PRELID2: variants seen among roughly 807,000 people sequenced by gnomAD.
PRELID2 encodes PRELI domain-containing protein 2.
A neutral mutation model predicts 28.4 loss-of-function variants in PRELID2; 25 were observed. The observed-to-expected ratio is 0.88, with a 90% CI of 0.64 to 1.23. The LOEUF is 1.23. Ranked by LOEUF, PRELID2 falls within the 50% of genes most tolerant of loss-of-function variation. The pLI, the probability that PRELID2 is intolerant of heterozygous loss-of-function variation, is 0.00. For missense variants in PRELID2, 201 were observed against 214.4 expected (o/e 0.94, Z 0.39); for synonymous variants, 76 against 71.6 (o/e 1.06, Z -0.31).
intron 1 of PRELID2, among the ~76,000 whole-genome samples, chr5:145,615,304 T>A (rs1753678786): frequency 6.6e-6 from 1 of 150,566 alleles, no homozygotes; most frequent in Non-Finnish European, 1.5e-5. Context: ...AGTCCTTATG[T>A]GTTATGTGAG....
At chr5:145,441,037 C>T in the PRELID2 span, 15 of 152,210 alleles carry the variant, frequency 9.9e-5, no homozygotes, top group African/African-American at 3.6e-4. Flanking sequence ...TATTGGATGT[C>T]ATCAGCATAT....
the PRELID2 span, among the ~76,000 whole-genome samples, chr5:145,242,662 C>A: frequency 6.6e-4 from 101 of 152,022 alleles, no homozygotes; most frequent in African/African-American, 2.4e-3. Context: ...AAAAGGTAAC[C>A]AATAGGATGC....
At chr5:145,252,716 G>A in the PRELID2 span, among the ~76,000 whole-genome samples, 1 of 151,922 alleles carries the variant, frequency 6.6e-6, no homozygotes, top group South Asian at 2.1e-4. Context: ...AGAGGAATTG[G>A]GAGTTATTGT....
At chr5:145,785,130 T>C (rs1361945858) in intron 5 of PRELID2, among the ~76,000 whole-genome samples, 1 of 152,240 alleles carries the variant, frequency 6.6e-6, no homozygotes, top group Non-Finnish European at 1.5e-5. Flanking sequence ...TTTTACTATG[T>C]GCCAGGCATA....
the PRELID2 span, among the ~76,000 whole-genome samples, chr5:145,313,558 A>G: frequency 1.3e-5 from 2 of 152,094 alleles, no homozygotes; most frequent in African/African-American, 4.8e-5. Flanking sequence ...TTTATAGCCC[A>G]ATGAAAATGG....
intron 1 of PRELID2, among the ~76,000 whole-genome samples, chr5:145,633,450 T>TC (rs1341217682): frequency 3.3e-5 from 5 of 152,188 alleles, no homozygotes; most frequent in African/African-American, 7.2e-5. Context: ...GTTCACATTT[T>TC]CCTGGCCCTC....
the PRELID2 span, among the ~76,000 whole-genome samples, chr5:145,249,918 C>CCTCTCT: frequency 7.2e-6 from 1 of 139,770 alleles, no homozygotes; most frequent in Non-Finnish European, 1.6e-5. Flanking sequence ...CATGCCTCTC[C>CCTCTCT]CTCTCTCTCT....
the PRELID2 span, among the ~76,000 whole-genome samples, chr5:145,391,659 T>G: frequency 6.6e-6 from 1 of 152,268 alleles, no homozygotes; most frequent in East Asian, 1.9e-4. Flanking sequence ...GTAGAGGGCT[T>G]ACATTTCTCC....
intron 5 of PRELID2, among the ~76,000 whole-genome samples, chr5:145,777,661 G>A (rs888554135): frequency 6.6e-6 from 1 of 152,156 alleles, no homozygotes; most frequent in South Asian, 2.1e-4. Context: ...GGGCAGGTGG[G>A]AGCCCCGCCT....
chr5:145,277,364 C>T, the PRELID2 span, among the ~76,000 whole-genome samples: 1 of 152,068 alleles, frequency 6.6e-6, no homozygotes, highest in Non-Finnish European at 1.5e-5. Context: ...ATAGAATATG[C>T]ACCTCATATT....
At chr5:145,264,969 T>TAAA in the PRELID2 span, among the ~76,000 whole-genome samples, 9 of 56,870 alleles carry the variant, frequency 1.6e-4, no homozygotes, top group East Asian at 1.9e-3. Flanking sequence ...AGTGCAACTC[T>TAAA]AAAAAAAAAA....
the PRELID2 span, among the ~76,000 whole-genome samples, chr5:145,322,894 T>C: frequency 1.3e-5 from 2 of 152,062 alleles, no homozygotes; most frequent in South Asian, 4.1e-4. Flanking sequence ...GGTAGCAGAA[T>C]TGTTTGAACC....
chr5:145,817,197 AAAT>A lies in PRELID2; in HGVS notation c.368+694_368+696del, dbSNP rs200655493. On this transcript the variant is annotated intron_variant, in intron 4 of 6. Transcript: ENST00000683046. Reference sequence around the variant, plus strand: ...CAGAGCAAGACTGCATTTCAAAAAAAAATAAATAAATAAATAAAAAAAAATATA... The same window carrying A: ...CAGAGCAAGACTGCATTTCAAAAAAAAAATAAATAAATAAAAAAAAATATA... Among the ~76,000 whole-genome samples the A allele has an allele frequency of 4.5e-3, 402 of 90,248 alleles. 26 individuals carry two copies. Among genetic ancestry groups the A allele is most frequent in the African/African-American group, 0.014 (384 of 28,336 alleles). 59.2% of individuals were successfully genotyped at this position (90,248 alleles called of 152,430 possible).
intron 1 of PRELID2, among the ~76,000 whole-genome samples, chr5:145,741,169 T>C (rs1383027840): frequency 8.8e-6 from 1 of 113,562 alleles, no homozygotes; most frequent in Non-Finnish European, 1.6e-5. Flanking sequence ...TATAAATATA[T>C]ATTTTATTTA....
chr5:145,712,933 G>A (rs1206436278), intron 1 of PRELID2, among the ~76,000 whole-genome samples: 1 of 151,870 alleles, frequency 6.6e-6, no homozygotes, highest in Non-Finnish European at 1.5e-5. Flanking sequence ...GTTATCAGAA[G>A]ACTGATAAAA....
chr5:145,566,264 C>A (rs1189504704), intron 1 of PRELID2, among the ~76,000 whole-genome samples: 1 of 152,186 alleles, frequency 6.6e-6, no homozygotes, highest in Non-Finnish European at 1.5e-5. Context: ...ATTCTAAATT[C>A]TTTACAAACC....
intron 1 of PRELID2, among the ~76,000 whole-genome samples, chr5:145,731,081 C>A (rs1756331830): frequency 6.6e-6 from 1 of 152,206 alleles, no homozygotes; most frequent in South Asian, 2.1e-4. Context: ...TAAAGAAAAC[C>A]TGTCTTTAAC....
intron 1 of PRELID2, among the ~76,000 whole-genome samples, chr5:145,560,080 T>G (rs1431305049): frequency 1.3e-5 from 2 of 152,184 alleles, no homozygotes; most frequent in African/African-American, 2.4e-5. Context: ...ACAAAGCCTA[T>G]TTTATAGCAA....
intron 1 of PRELID2, among the ~76,000 whole-genome samples, chr5:145,583,147 C>T (rs1277516006): frequency 2.0e-5 from 3 of 152,066 alleles, no homozygotes; most frequent in Admixed American, 6.6e-5. Flanking sequence ...ATATATAAAC[C>T]AATAAATGTG....
Sources: gnomAD v4.1 joint callset for allele counts (sites outside exome capture counted in the v4.1 genomes callset) on GRCh38, gnomAD v4.1.1 for gene constraint, MANE v1.5 for transcripts, NCBI Gene and HGNC (gene_info 2026-07-23, HGNC 2026-07-21) for gene names.